The following RAB27B variants were observed in gnomAD, a reference collection of about 807,000 sequenced individuals.
The protein encoded by RAB27B is ras-related protein Rab-27B.
In RAB27B, 15 loss-of-function variants were observed where a neutral mutation model predicts 24.6. The ratio of observed to expected loss-of-function variants is 0.61; its 90% CI spans 0.41 to 0.94. The LOEUF is 0.94. Among genes scored for constraint, RAB27B ranks in the 40% least tolerant of loss-of-function variants. RAB27B has a pLI of 0.00. For synonymous variants in RAB27B, 105 were observed against 92.5 expected, an observed-to-expected ratio of 1.14 and a Z score of -0.78; for missense variants, 261 against 266.8, an observed-to-expected ratio of 0.98 and a Z score of 0.15.
chr18:54,749,173 C>T (rs11874639), intron 2 of RAB27B, among the ~76,000 whole-genome samples: 9,460 of 152,100 alleles, frequency 0.062, 375 homozygotes, highest in Admixed American at 0.087. Context: ...TTAAGACAAT[C>T]GCATTTCTTT....
chr18:54,789,183 GATCAT>G (rs1909177218), intron 2 of RAB27B, among the ~76,000 whole-genome samples: 1 of 152,060 alleles, frequency 6.6e-6, no homozygotes, highest in Non-Finnish European at 1.5e-5. Flanking sequence ...TCTTATTGAT[GATCAT>G]ATCCATAGCA....
intron 2 of RAB27B, among the ~76,000 whole-genome samples, chr18:54,772,453 A>G (rs1908580979): frequency 6.6e-6 from 1 of 152,200 alleles, no homozygotes; most frequent in Non-Finnish European, 1.5e-5. Context: ...CTCATCCTTA[A>G]TTCTGTATTG....
At chr18:54,796,625 G>T (rs1313914019) in intron 2 of RAB27B, among the ~76,000 whole-genome samples, 1 of 152,104 alleles carries the variant, frequency 6.6e-6, no homozygotes, top group African/African-American at 2.4e-5. Context: ...CCAATCTGCT[G>T]GTGTCTATTG....
At position 54,850,333 on chromosome 18, in the gene RAB27B, G is replaced by GACATATATAT. The variant is rs869079784; in HGVS notation, c.-20+21634_-20+21635insCATATATATA. ...TATTTATTTAAAAGCAAACAAACAG[G>GACATATATAT]ATATATATATATATATATATATATA... is the stretch of plus-strand genomic sequence containing the variant. On this transcript the variant is annotated intron_variant, in intron 1 of 5. Transcript: ENST00000262094. Among the ~76,000 whole-genome samples the GACATATATAT allele has an allele frequency of 2.8e-3, 262 of 95,102 alleles. 9 individuals carry two copies. The highest frequency in any genetic ancestry group is 4.1e-3 in the East Asian group (14 of 3,412). The allele number at this position is 95,102 out of a possible 152,430, so 62.4% of individuals were successfully genotyped here. A position where few individuals can be genotyped will look rare whatever the true frequency, so the allele number is the denominator to read the frequency against.
chr18:54,820,697 T>C (rs557521289), intron 2 of RAB27B, among the ~76,000 whole-genome samples: 27 of 152,216 alleles, frequency 1.8e-4, no homozygotes, highest in Non-Finnish European at 2.8e-4. Flanking sequence ...TGCCCATGCC[T>C]ATGTCCTGAA....
At chr18:54,801,749 G>C (rs1164398744) in intron 2 of RAB27B, among the ~76,000 whole-genome samples, 1 of 152,198 alleles carries the variant, frequency 6.6e-6, no homozygotes, top group Non-Finnish European at 1.5e-5. Context: ...GCCACAGGAG[G>C]AGGACAGTGG....
At chr18:54,810,703 A>C (rs1909933009) in intron 2 of RAB27B, among the ~76,000 whole-genome samples, 1 of 151,858 alleles carries the variant, frequency 6.6e-6, no homozygotes, top group Admixed American at 6.6e-5. Flanking sequence ...GGTGGCGGGC[A>C]CCTGTAATCT....
intron 2 of RAB27B, among the ~76,000 whole-genome samples, chr18:54,767,883 A>C (rs927193888): frequency 1.3e-5 from 2 of 152,144 alleles, no homozygotes; most frequent in African/African-American, 4.8e-5. Context: ...TTGTTCCATA[A>C]AGTTGCCTAG....
chr18:54,811,828 T>A (rs918182847), intron 2 of RAB27B, among the ~76,000 whole-genome samples: 1 of 152,244 alleles, frequency 6.6e-6, no homozygotes, highest in African/African-American at 2.4e-5. Context: ...GGAAGCAAGT[T>A]TGCCTGATGC....
intron 2 of RAB27B, among the ~76,000 whole-genome samples, chr18:54,731,440 G>C (rs1202344527): frequency 6.6e-6 from 1 of 152,208 alleles, no homozygotes; most frequent in Admixed American, 6.5e-5. Context: ...CACCCAATCT[G>C]CCAGGTGTGG....
At chr18:54,847,584 A>G (rs977405496) in intron 1 of RAB27B, among the ~76,000 whole-genome samples, 19 of 152,208 alleles carry the variant, frequency 1.2e-4, no homozygotes, top group Non-Finnish European at 5.9e-5. Context: ...TTAAATACCT[A>G]TGCTCATTTT....
intron 2 of RAB27B, among the ~76,000 whole-genome samples, chr18:54,799,572 C>G (rs1319847407): frequency 6.9e-6 from 1 of 145,968 alleles, no homozygotes; most frequent in African/African-American, 2.6e-5. Context: ...GGTATACTTG[C>G]AATATATACA....
At chr18:54,726,965 T>C (rs142379266) in intron 2 of RAB27B, among the ~76,000 whole-genome samples, 1 of 152,342 alleles carries the variant, frequency 6.6e-6, no homozygotes, top group East Asian at 1.9e-4. Flanking sequence ...TTTAGTTTTT[T>C]AAAGAAAGAG....
intron 1 of RAB27B, among the ~76,000 whole-genome samples, chr18:54,844,013 G>T (rs1325809861): frequency 1.3e-5 from 2 of 152,302 alleles, no homozygotes; most frequent in South Asian, 2.1e-4. Flanking sequence ...TGAGATGGCT[G>T]CAGGGAGGAG....
chr18:54,739,322 G>A (rs1232505561), intron 2 of RAB27B, among the ~76,000 whole-genome samples: 1 of 151,878 alleles, frequency 6.6e-6, no homozygotes, highest in Admixed American at 6.6e-5. Context: ...CAGGCGTGGT[G>A]GTGGGTGCCT....
intron 2 of RAB27B, among the ~76,000 whole-genome samples, chr18:54,793,794 C>T (rs557103956): frequency 7.2e-5 from 11 of 152,252 alleles, no homozygotes; most frequent in African/African-American, 1.9e-4. Flanking sequence ...GCCTGCAGTC[C>T]GAACTATTCG....
At chr18:54,850,355 T>TATATATATATATATAC (rs1568096309) in intron 1 of RAB27B, among the ~76,000 whole-genome samples, 1 of 138,636 alleles carries the variant, frequency 7.2e-6, no homozygotes, top group Non-Finnish European at 1.5e-5. Flanking sequence ...TATATATATA[T>TATATATATATATATAC]ATATACATAC....
At chr18:54,761,436 C>G (rs889008908) in intron 2 of RAB27B, among the ~76,000 whole-genome samples, 5 of 152,144 alleles carry the variant, frequency 3.3e-5, no homozygotes, top group African/African-American at 9.7e-5. Context: ...AAACTTTGCT[C>G]TATTTGAATT....
rs1414672946 is a variant in RAB27B at position 54,865,587 on chromosome 18, C to T, written c.-19-11980C>T. 2.0e-5 allele frequency among the ~76,000 whole-genome samples: 3 copies of T among 152,094 alleles called. No homozygotes were observed. The East Asian group carries it at 5.8e-4, about 29-fold the overall frequency. ...GCCAAATTTTCCCCTTCCTTGTCAT[C>T]AATGTGAGCTGAAGGTTGGTATGTG... On this transcript the variant is annotated intron_variant, in intron 1 of 5. Coordinates refer to ENST00000262094, the MANE Select transcript of RAB27B (RefSeq NM_004163.4).
Sources: allele counts gnomAD v4.1 joint callset (sites outside exome capture counted in the v4.1 genomes callset), GRCh38; gene constraint gnomAD v4.1.1; transcripts MANE v1.5; gene names NCBI Gene and HGNC (gene_info 2026-07-23, HGNC 2026-07-21).